POLR3C: variants seen among roughly 807,000 people sequenced by gnomAD.
POLR3C encodes the protein RNA polymerase III subunit C, also known as DNA-directed RNA polymerase III subunit RPC3.
Under a neutral mutation model 65.9 loss-of-function variants are expected in POLR3C, and 44 were observed. The ratio of observed to expected loss-of-function variants is 0.67; its 90% CI spans 0.52 to 0.86. The LOEUF is 0.86. POLR3C is among the 40% of genes least tolerant of loss of function. The pLI, the probability that POLR3C is intolerant of heterozygous loss-of-function variation, is 0.00. For synonymous variants in POLR3C, 263 were observed against 231.6 expected (o/e 1.14, Z -1.23); for missense variants, 576 against 653.2 (o/e 0.88, Z 1.29).
intron 14 of POLR3C, 37 bp from the exon 15 acceptor site, chr1:145,842,302 C>T: frequency 1.6e-6 from 2 of 1,278,258 alleles, no homozygotes; most frequent in Non-Finnish European, 1.1e-6. Context: ...TGCTAATGAA[C>T]ATTCAGTCTA....
At chr1:145,828,275 C>G (rs1488486287) in intron 4 of POLR3C, among the ~76,000 whole-genome samples, 1 of 152,104 alleles carries the variant, frequency 6.6e-6, no homozygotes. Flanking sequence ...CAAGTAAGAC[C>G]TTATAGAGCA....
chr1:145,844,402 A>G lies in POLR3C; in HGVS notation c.*1982A>G, dbSNP rs1553731559. Among the ~76,000 whole-genome samples the G allele has an allele frequency of 6.6e-6, 1 of 152,226 alleles. No homozygotes were observed. On this transcript the variant is annotated 3_prime_UTR_variant, in exon 15 of 15. Coordinates refer to ENST00000334163, the MANE Select transcript of POLR3C (RefSeq NM_006468.8). ...TAAAATAAACCAAGCACAGAAACAA[A>G]TATTGCATGTTCTGTCTCACATAGG...
chr1:145,826,854 C>G lies in POLR3C; in HGVS notation c.438C>G (p.Asn146Lys). ...CCATGGACTATGCTGAAGTATCAAA[C>G]ACATTTGTGCGACTGGCAGACACAC... ...GKTMDYAEVSNTFVRLADTHF... is the reference protein window; with the variant it reads ...GKTMDYAEVSKTFVRLADTHF... Residue 146 changes from asparagine (N) to lysine (K), a missense_variant, in exon 4 of 15, where the codon AAC becomes AAG. By Grantham distance (94) the Asn-to-Lys change is moderately conservative. Coordinates refer to ENST00000334163, the MANE Select transcript of POLR3C (RefSeq NM_006468.8). 3 of 1,611,700 alleles carry G rather than the reference C, an allele frequency of 1.9e-6. No homozygotes were observed. Among genetic ancestry groups the G allele is most frequent in the Middle Eastern group, 3.3e-4 (2 of 6,042 alleles).
At chr1:145,830,086 T>G (rs1651169269) in intron 5 of POLR3C, among the ~76,000 whole-genome samples, 1 of 152,190 alleles carries the variant, frequency 6.6e-6, no homozygotes, top group South Asian at 2.1e-4. Flanking sequence ...AGTTCCTAAC[T>G]TGTTCTACTC....
chr1:145,829,120 G>T (rs1219215001), intron 5 of POLR3C, among the ~76,000 whole-genome samples: 1 of 152,154 alleles, frequency 6.6e-6, no homozygotes, highest in East Asian at 1.9e-4. Context: ...ACCTACAGGG[G>T]CCAGTGATGA....
chr1:145,835,960 A>G (rs1553728468), intron 7 of POLR3C, among the ~76,000 whole-genome samples: 2 of 151,758 alleles, frequency 1.3e-5, no homozygotes, highest in Non-Finnish European at 2.9e-5. Flanking sequence ...GATTTGTCTC[A>G]CTCTTCATAA....
In POLR3C at chr1:145,843,426, T is replaced by C. The variant is rs957163289; in HGVS notation, c.*1006T>C. 6.6e-6 allele frequency among the ~76,000 whole-genome samples: 1 copy of C among 152,214 alleles called. No individual in the cohort carries two copies. The highest frequency in any genetic ancestry group is 1.5e-5 in the Non-Finnish European group (1 of 68,046). ...CTCACCAATGTGTTTTCTAATTGTT[T>C]AAACACTTGAGTGTCAAACAATTGC... On this transcript the variant is annotated 3_prime_UTR_variant, in exon 15 of 15. Transcript: ENST00000334163.
At position 145,826,852 on chromosome 1, in the gene POLR3C, A is replaced by AAC; in HGVS notation, c.440_441dup (p.Phe148HisfsTer49). 6.2e-7 allele frequency: 1 copy of AAC among 1,611,918 alleles called. No homozygotes were observed. The highest frequency in any genetic ancestry group is 8.5e-7 in the Non-Finnish European group (1 of 1,178,986). ...GACCATGGACTATGCTGAAGTATCAAACACATTTGTGCGACTGGCAGACAC... is the reference window on the plus strand; with the variant it reads ...GACCATGGACTATGCTGAAGTATCAAACACACATTTGTGCGACTGGCAGACAC... On this transcript the variant is annotated frameshift_variant, in exon 4 of 15. Transcript: ENST00000334163. LOFTEE classifies it high-confidence loss of function.
chr1:145,833,121 G>T, intron 5 of POLR3C, 139 bp from the exon 6 acceptor site: 1 of 548,740 alleles, frequency 1.8e-6, no homozygotes, highest in Admixed American at 3.5e-5. Flanking sequence ...CTAGACACCA[G>T]TCTACATGAC....
At chr1:145,837,988 C>T (rs952480942) in intron 10 of POLR3C, 68 bp from the exon 11 acceptor site, 121 of 1,415,298 alleles carry the variant, frequency 8.5e-5, no homozygotes, top group Non-Finnish European at 1.2e-4. Flanking sequence ...AACAACCACC[C>T]CATCTATGAC....
intron 5 of POLR3C, among the ~76,000 whole-genome samples, chr1:145,832,621 C>T (rs1396512335): frequency 6.6e-6 from 1 of 152,004 alleles, no homozygotes; most frequent in Non-Finnish European, 1.5e-5. Context: ...TGAGTTCTGG[C>T]CTAGTGTCTT....
chr1:145,838,460 T>C (rs1553729453), intron 11 of POLR3C, among the ~76,000 whole-genome samples: 1 of 152,050 alleles, frequency 6.6e-6, no homozygotes, highest in Non-Finnish European at 1.5e-5. Flanking sequence ...GGTGGGCAAA[T>C]CACTTGAGGT....
chr1:145,835,730 C>T (rs1474999219), intron 7 of POLR3C, among the ~76,000 whole-genome samples: 4 of 151,988 alleles, frequency 2.6e-5, no homozygotes, highest in Non-Finnish European at 4.4e-5. Flanking sequence ...CATGCCACCA[C>T]GCCAGGCTAA....
In POLR3C at chr1:145,844,184, AATC is replaced by A. The variant is rs1652492374; in HGVS notation, c.*1766_*1768del. 6.6e-6 allele frequency among the ~76,000 whole-genome samples: 1 copy of A among 152,214 alleles called. No individual in the cohort carries two copies. The highest frequency in any genetic ancestry group is 2.4e-5 in the African/African-American group (1 of 41,456). On this transcript the variant is annotated 3_prime_UTR_variant, in exon 15 of 15. Coordinates refer to ENST00000334163, the MANE Select transcript of POLR3C (RefSeq NM_006468.8). ...ATATATATATCTCCAAAAGGAAAGA[AATC>A]AATGTATCAAAAAGATACCTGCACT... is the stretch of plus-strand genomic sequence containing the variant.
At chr1:145,840,406 G>T in intron 13 of POLR3C, 1 of 455,890 alleles carries the variant, frequency 2.2e-6, no homozygotes, top group Non-Finnish European at 4.0e-6. Flanking sequence ...TGGGCATGGT[G>T]GCGGGCACCT....
intron 4 of POLR3C, among the ~76,000 whole-genome samples, chr1:145,828,107 G>C (rs1352993970): frequency 6.6e-6 from 1 of 152,152 alleles, no homozygotes; most frequent in African/African-American, 2.4e-5. Context: ...AATAGCATTT[G>C]AGGAAATGAA....
At chr1:145,829,473 G>C (rs587635154) in intron 5 of POLR3C, among the ~76,000 whole-genome samples, 1 of 152,262 alleles carries the variant, frequency 6.6e-6, no homozygotes, top group East Asian at 1.9e-4. Context: ...AAACGCTTTC[G>C]TTAATGGTCT....
At chr1:145,827,045 T>C in intron 4 of POLR3C, 40 bp downstream of exon 4, 3 of 1,407,310 alleles carry the variant, frequency 2.1e-6, no homozygotes, top group Non-Finnish European at 3.0e-6. Context: ...CTTGCCTTAA[T>C]TGTGGATTCT....
At chr1:145,839,287 C>A (rs1169703953) in intron 11 of POLR3C, among the ~76,000 whole-genome samples, 1 of 151,730 alleles carries the variant, frequency 6.6e-6, no homozygotes, top group African/African-American at 2.4e-5. Flanking sequence ...AATAATAATA[C>A]GACTTTTTGT....
Sources: allele counts gnomAD v4.1 joint callset (sites outside exome capture counted in the v4.1 genomes callset), GRCh38; gene constraint gnomAD v4.1.1; transcripts MANE v1.5; gene names NCBI Gene and HGNC (gene_info 2026-07-23, HGNC 2026-07-21).